IRAG1: variants seen among roughly 807,000 people sequenced by gnomAD.
IRAG1 encodes inositol 1,4,5-triphosphate receptor associated 1.
In IRAG1, 62 loss-of-function variants were observed where a neutral mutation model predicts 106.2. That is an observed-to-expected ratio of 0.58 (90% confidence interval 0.48 to 0.72). IRAG1 has a LOEUF of 0.72. Ranked by LOEUF, IRAG1 falls within the 30% of genes least tolerant of loss-of-function variation. The pLI is 0.00. For missense variants in IRAG1, 1,064 were observed against 1,140.7 expected, an observed-to-expected ratio of 0.93 and a Z score of 0.97; for synonymous variants, 462 against 443.9, an observed-to-expected ratio of 1.04 and a Z score of -0.51.
rs564972714 is a variant in IRAG1 at position 10,654,933 on chromosome 11, C to T, written c.68-2751G>A. On this transcript the variant is annotated intron_variant, in intron 1 of 20. Transcript: ENST00000423302. Reference sequence around the variant, plus strand: ...CTGTCTGTGTCTTCCATGCCAAATTCTTACTGTATGAATAAACTGAGCATC... The same window carrying T: ...CTGTCTGTGTCTTCCATGCCAAATTTTTACTGTATGAATAAACTGAGCATC... 1.5e-4 allele frequency among the ~76,000 whole-genome samples: 23 copies of T among 152,304 alleles called. No homozygotes were observed. The South Asian group carries it at 4.8e-3, about 32-fold the overall frequency.
At chr11:10,672,875 A>G (rs1178010708) in intron 1 of IRAG1, among the ~76,000 whole-genome samples, 1 of 152,272 alleles carries the variant, frequency 6.6e-6, no homozygotes, top group Non-Finnish European at 1.5e-5. Flanking sequence ...CACAATGTTC[A>G]TAGCAGCACT....
intron 1 of IRAG1, among the ~76,000 whole-genome samples, chr11:10,674,423 C>T (rs537996162): frequency 6.6e-6 from 1 of 152,270 alleles, no homozygotes; most frequent in East Asian, 1.9e-4. Flanking sequence ...TCAGTTCTCA[C>T]CCTGAAGTCT....
At chr11:10,599,795 C>T (rs375132397) in intron 15 of IRAG1, 2 of 152,356 alleles carry the variant, frequency 1.3e-5, no homozygotes, top group African/African-American at 2.4e-5. Context: ...AAGGCACCAA[C>T]CTCTTCCTGC....
chr11:10,634,959 C>T (rs1019329554), intron 2 of IRAG1, among the ~76,000 whole-genome samples: 4 of 152,098 alleles, frequency 2.6e-5, no homozygotes, highest in Non-Finnish European at 5.9e-5. Flanking sequence ...CCCAGCAGGC[C>T]CTCACCTGAG....
chr11:10,611,608 C>G (rs1019415431), intron 10 of IRAG1: 1 of 152,038 alleles, frequency 6.6e-6, no homozygotes, highest in Non-Finnish European at 1.5e-5. Context: ...AAAAAATACA[C>G]AAGAAACTCT....
At chr11:10,606,523 T>C (rs930721497) in intron 12 of IRAG1, among the ~76,000 whole-genome samples, 1 of 152,162 alleles carries the variant, frequency 6.6e-6, no homozygotes, top group African/African-American at 2.4e-5. Flanking sequence ...AACTACCTTC[T>C]CCCTTTTGCC....
intron 2 of IRAG1, among the ~76,000 whole-genome samples, chr11:10,637,955 G>C (rs1857259278): frequency 6.6e-6 from 1 of 152,192 alleles, no homozygotes; most frequent in Non-Finnish European, 1.5e-5. Flanking sequence ...TACTGTGTGG[G>C]TTTTCTGGTG....
At chr11:10,666,335 T>A (rs1859783391) in intron 1 of IRAG1, among the ~76,000 whole-genome samples, 1 of 152,210 alleles carries the variant, frequency 6.6e-6, no homozygotes, top group South Asian at 2.1e-4. Context: ...GTGAAGTAAT[T>A]TGTTTCAGAC....
At chr11:10,615,155 T>C (rs1232877824) in intron 10 of IRAG1, among the ~76,000 whole-genome samples, 2 of 152,192 alleles carry the variant, frequency 1.3e-5, no homozygotes, top group Non-Finnish European at 2.9e-5. Flanking sequence ...AGAAGACATT[T>C]ATGCAGCCAA....
chr11:10,605,815 G>A (rs1489762133), intron 12 of IRAG1, among the ~76,000 whole-genome samples: 2 of 152,224 alleles, frequency 1.3e-5, no homozygotes, highest in African/African-American at 4.8e-5. Context: ...TCAAGTCTAT[G>A]AATAATGCTC....
chr11:10,603,191 C>T lies in IRAG1; in HGVS notation c.1804G>A (p.Asp602Asn), dbSNP rs762314639. ...HRETYQKLLE[D>N]IAVLHRLAAR... Reference sequence around the variant, plus strand: ...GCCAGGCGGTGCAGGACAGCGATGTCCTCCAGCAACTTCTGGTAGGTTTCC... The same window carrying T: ...GCCAGGCGGTGCAGGACAGCGATGTTCTCCAGCAACTTCTGGTAGGTTTCC... Residue 602 changes from aspartate (D) to asparagine (N), a missense_variant, in exon 14 of 21, where the codon GAC (aspartate) becomes AAC (asparagine). Coordinates refer to ENST00000423302, the MANE Select transcript of IRAG1 (RefSeq NM_130385.4). 1.1e-5 allele frequency: 18 copies of T among 1,612,830 alleles called. No homozygotes were observed. Among genetic ancestry groups the T allele is most frequent in the Non-Finnish European group, 1.5e-5 (18 of 1,179,502 alleles).
chr11:10,650,406 A>C (rs1858378059), intron 2 of IRAG1, among the ~76,000 whole-genome samples: 1 of 152,198 alleles, frequency 6.6e-6, no homozygotes, highest in South Asian at 2.1e-4. Context: ...TATTTTAGGA[A>C]TGCTTTTAGT....
chr11:10,604,054 G>C (rs1221549806), intron 13 of IRAG1, among the ~76,000 whole-genome samples: 3 of 152,102 alleles, frequency 2.0e-5, no homozygotes, highest in Non-Finnish European at 4.4e-5. Flanking sequence ...TCCAGGCTGA[G>C]AGAAGTGGCC....
chr11:10,588,084 A>G (rs527268516), intron 18 of IRAG1, among the ~76,000 whole-genome samples: 1 of 152,348 alleles, frequency 6.6e-6, no homozygotes, highest in South Asian at 2.1e-4. Flanking sequence ...AGTAATTACC[A>G]TTGTCATCAG....
intron 1 of IRAG1, among the ~76,000 whole-genome samples, chr11:10,660,470 CTA>C: frequency 6.6e-6 from 1 of 152,254 alleles, no homozygotes; most frequent in East Asian, 1.9e-4. Context: ...GTGGGAGTAT[CTA>C]TACCATGGAA....
chr11:10,602,010 T>C (rs1203573695), intron 14 of IRAG1, among the ~76,000 whole-genome samples: 1 of 152,224 alleles, frequency 6.6e-6, no homozygotes, highest in Non-Finnish European at 1.5e-5. Flanking sequence ...TCAGAGGATC[T>C]AGCTCAGGCC....
chr11:10,668,878 G>C (rs1172859199), intron 1 of IRAG1, among the ~76,000 whole-genome samples: 1 of 152,184 alleles, frequency 6.6e-6, no homozygotes, highest in South Asian at 2.1e-4. Flanking sequence ...TGGGAAGATG[G>C]GGTAAGTGCC....
chr11:10,598,641 C>A (rs1265528685), intron 15 of IRAG1, among the ~76,000 whole-genome samples: 1 of 152,130 alleles, frequency 6.6e-6, no homozygotes, highest in Non-Finnish European at 1.5e-5. Flanking sequence ...AGAATTGTGT[C>A]AATGGCACGG....
intron 11 of IRAG1, 38 bp downstream of exon 11, chr11:10,609,690 C>A (rs374451226): frequency 1.2e-6 from 2 of 1,602,070 alleles, no homozygotes; most frequent in Non-Finnish European, 8.5e-7. Flanking sequence ...AGGGGCCACT[C>A]GGTACAGGGC....
Sources: gnomAD v4.1 joint callset for allele counts (sites outside exome capture counted in the v4.1 genomes callset) on GRCh38, gnomAD v4.1.1 for gene constraint, MANE v1.5 for transcripts, NCBI Gene and HGNC (gene_info 2026-07-23, HGNC 2026-07-21) for gene names.